GPAM: variants seen among roughly 807,000 people sequenced by gnomAD.
The protein encoded by GPAM is glycerol-3-phosphate acyltransferase, mitochondrial, also known as glycerol-3-phosphate acyltransferase 1, mitochondrial.
Under a neutral mutation model 105.0 loss-of-function variants are expected in GPAM, and 56 were observed. The ratio of observed to expected loss-of-function variants is 0.53; its 90% confidence interval spans 0.43 to 0.67. The LOEUF (loss-of-function observed/expected upper bound fraction) is 0.67. Ranked by LOEUF, GPAM falls within the 30% of genes least tolerant of loss-of-function variation. The pLI, the probability that GPAM is intolerant of heterozygous loss-of-function variation, is 0.00. For missense variants in GPAM, 855 were observed against 989.8 expected (o/e 0.86, Z 1.83); for synonymous variants, 368 against 354.4 (o/e 1.04, Z -0.43).
chr10:112,157,410 A>T (rs1277185560), intron 18 of GPAM, 21 bp from the exon 19 acceptor site: 1 of 1,611,870 alleles, frequency 6.2e-7, no homozygotes, highest in African/African-American at 1.3e-5. Context: ...GAGATGATGG[A>T]TAGTAAATAA....
chr10:112,181,461 T>A (rs941225603), intron 3 of GPAM, among the ~76,000 whole-genome samples: 36 of 152,228 alleles, frequency 2.4e-4, no homozygotes, highest in African/African-American at 6.5e-4. Context: ...GCAAAATGAT[T>A]ATTTTGTTTT....
intron 12 of GPAM, among the ~76,000 whole-genome samples, chr10:112,165,846 TCATC>T (rs995980757): frequency 3.3e-5 from 5 of 152,230 alleles, no homozygotes; most frequent in African/African-American, 9.6e-5. Flanking sequence ...ATTTATTCAT[TCATC>T]CATCTCAAAA....
At chr10:112,188,207 T>G (rs146752299), upstream of GPAM, among the ~76,000 whole-genome samples, 59 of 151,734 alleles carry the variant, frequency 3.9e-4, no homozygotes, top group East Asian at 0.011. Context: ...AGCAGAAAAA[T>G]TTTTAAGTAG....
chr10:112,160,968 T>C, intron 15 of GPAM, 100 bp from the exon 16 acceptor site: 1 of 940,216 alleles, frequency 1.1e-6, no homozygotes, highest in Admixed American at 1.8e-5. Flanking sequence ...TTGGCTTTCC[T>C]GCAGCTCACT....
At position 112,166,493 on chromosome 10, in the gene GPAM, C is replaced by T. The variant is rs868161007; in HGVS notation, c.1130G>A (p.Ser377Asn). 7.5e-6 allele frequency: 12 copies of T among 1,608,162 alleles called. No homozygotes were observed. Among genetic ancestry groups the T allele is most frequent in the Non-Finnish European group, 1.0e-5 (12 of 1,174,528 alleles). ...AACACCTCTTGCTACACTCCACAGG[C>T]TCTCATTCTTCTTAGGTTTGCCCTA... ...EQLGKPKKNE[S>N]LWSVARGVIR... Residue 377 changes from serine to asparagine, a missense_variant, in exon 12 of 22, where the codon AGC (serine) becomes AAC (asparagine). Physicochemically the swap from Ser to Asn is conservative, Grantham distance 46. Coordinates refer to ENST00000348367, the MANE Select transcript of GPAM (RefSeq NM_001244949.2).
At chr10:112,208,383 CG>C (rs1847874114) in intron 1 of GPAM, among the ~76,000 whole-genome samples, 1 of 152,124 alleles carries the variant, frequency 6.6e-6, no homozygotes, top group South Asian at 2.1e-4. Context: ...CTTTCTGAGA[CG>C]GATAGTTTCC....
At position 112,172,205 on chromosome 10, in the gene GPAM, A is replaced by T; in HGVS notation, c.771T>A (p.Asn257Lys). The change falls in exon 9 of 22, where the codon AAT becomes AAA. Residue 257 changes from asparagine to lysine, a missense_variant. By Grantham distance (94) the Asn-to-Lys change is moderately conservative. Transcript: ENST00000348367. ...NIKAPYIASG[N>K]NLNIPIFSTL... ...ACCTGAAGATTGGGATGTTGAGATT[A>T]TTGCCTGAAGCAATGTATGGTGCTT... is the stretch of plus-strand genomic sequence containing the variant. The T allele has an allele frequency of 6.2e-7, 1 of 1,609,834 alleles. No individual in the cohort carries two copies. Among genetic ancestry groups the T allele is most frequent in the Non-Finnish European group, 8.5e-7 (1 of 1,176,156 alleles).
At chr10:112,204,244 T>C (rs1847833620) in intron 1 of GPAM, among the ~76,000 whole-genome samples, 1 of 148,770 alleles carries the variant, frequency 6.7e-6, no homozygotes, top group Non-Finnish European at 1.5e-5. Context: ...TACAGAATTT[T>C]TTCTTTGTTC....
chr10:112,195,526 C>T (rs780471204), intron 1 of GPAM, among the ~76,000 whole-genome samples: 7 of 152,146 alleles, frequency 4.6e-5, no homozygotes, highest in Non-Finnish European at 7.3e-5. Flanking sequence ...CAAGTCTCAC[C>T]GCCTCATGAA....
chr10:112,201,905 T>C (rs1335938691), intron 1 of GPAM, among the ~76,000 whole-genome samples: 11 of 152,188 alleles, frequency 7.2e-5, no homozygotes, highest in Admixed American at 7.2e-4. Flanking sequence ...ATAGCTACCA[T>C]TTATTGAGCA....
In GPAM at chr10:112,160,790, A is replaced by G. The variant is rs778715667; in HGVS notation, c.1573T>C (p.Phe525Leu). Residue 525 changes from phenylalanine (F) to leucine (L), a missense_variant, in exon 16 of 22, where the codon TTC (phenylalanine) becomes CTC (leucine). Coordinates refer to ENST00000348367, the MANE Select transcript of GPAM (RefSeq NM_001244949.2). The stretch of plus-strand genomic sequence containing the variant: ...ACTACATCTTCTGAATTTCCTGAGA[A>G]CCCCAGGTCAAAATCACGAGCCAGG... ...EVLARDFDLG[F>L]SGNSEDVVMH... is the part of the protein sequence containing the mutation. 2 of 1,613,950 alleles carry G rather than the reference A, an allele frequency of 1.2e-6. No homozygotes were observed. Among genetic ancestry groups the G allele is most frequent in the Non-Finnish European group, 8.5e-7 (1 of 1,179,888 alleles).
chr10:112,181,747 ACAT>A lies in GPAM; in HGVS notation c.35_37del (p.Asp12del). 6.2e-7 allele frequency: 1 copy of A among 1,609,942 alleles called. No individual in the cohort carries two copies. Among genetic ancestry groups the A allele is most frequent in the Non-Finnish European group, 8.5e-7 (1 of 1,176,286 alleles). On this transcript the variant is annotated inframe_deletion, in exon 3 of 22. Coordinates refer to ENST00000348367, the MANE Select transcript of GPAM (RefSeq NM_001244949.2). ...TTCTGATGAATGTGGCAGATAAGAA[ACAT>A]CTATTGTACCAAGGGTCAGTGCAGA...
At chr10:112,190,661 G>A (rs949178529) in intron 1 of GPAM, among the ~76,000 whole-genome samples, 4 of 152,276 alleles carry the variant, frequency 2.6e-5, no homozygotes, top group East Asian at 1.9e-4. Flanking sequence ...AATAAGAGAT[G>A]TTAGAGGATG....
chr10:112,173,761 C>G lies in GPAM; in HGVS notation c.498G>C (p.Val166=), dbSNP rs756544554. 4 of 1,613,860 alleles carry G rather than the reference C, an allele frequency of 2.5e-6. No individual in the cohort carries two copies. ...AQQQSKAVNK[V]KKKAKRILQE... ...GAAGAATCCTTTTAGCTTTCTTTTTCACTTTGTTAACGGCTTTTGATTGCT... is the reference window on the plus strand; with the variant it reads ...GAAGAATCCTTTTAGCTTTCTTTTTGACTTTGTTAACGGCTTTTGATTGCT... The change falls in exon 7 of 22, where the codon GTG becomes GTC. Residue 166 remains valine (V), a synonymous_variant. Coordinates refer to ENST00000348367, the MANE Select transcript of GPAM (RefSeq NM_001244949.2).
chr10:112,190,418 T>A (rs1847642691), intron 1 of GPAM, among the ~76,000 whole-genome samples: 1 of 150,126 alleles, frequency 6.7e-6, no homozygotes, highest in Non-Finnish European at 1.5e-5. Context: ...GGCAAGAGAA[T>A]CACTTGAACC....
At chr10:112,227,116 T>C in the GPAM span, among the ~76,000 whole-genome samples, 1 of 152,178 alleles carries the variant, frequency 6.6e-6, no homozygotes, top group Non-Finnish European at 1.5e-5. Flanking sequence ...CTGTTTCCAT[T>C]TCAGTAAAGG....
In GPAM at chr10:112,158,339, A is replaced by G. The variant is rs775301888; in HGVS notation, c.1957T>C (p.Tyr653His). ...ACCTCTGCCACTGTAAGAATGCCAT[A>G]CTGGATAAACTTTCCTACTGTTTCA... ...CHETVGKFIQ[Y>H]GILTVAEHDD... Residue 653 changes from tyrosine (Y) to histidine (H), a missense_variant, in exon 18 of 22, where the codon TAT becomes CAT. Physicochemically the swap from Tyr to His is moderately conservative, Grantham distance 83. Coordinates refer to ENST00000348367, the MANE Select transcript of GPAM (RefSeq NM_001244949.2). 1.2e-5 allele frequency: 19 copies of G among 1,598,610 alleles called. No homozygotes were observed. The highest frequency in any genetic ancestry group is 1.5e-5 in the Non-Finnish European group (17 of 1,165,928).
chr10:112,151,358 G>A lies in GPAM; in HGVS notation c.*2192C>T. Reference sequence around the variant, plus strand: ...TTTTTGTTTTCAGTCATGAGGCACTGAAGAATGAGTTGTGCTGAAATTAAC... The same window carrying A: ...TTTTTGTTTTCAGTCATGAGGCACTAAAGAATGAGTTGTGCTGAAATTAAC... On this transcript the variant is annotated 3_prime_UTR_variant, in exon 22 of 22. Coordinates refer to ENST00000348367, the MANE Select transcript of GPAM (RefSeq NM_001244949.2). 2.0e-6 allele frequency: 2 copies of A among 985,786 alleles called. No homozygotes were observed. The highest frequency in any genetic ancestry group is 2.4e-6 in the Non-Finnish European group (2 of 829,904). The allele number at this position is 985,786 out of a possible 1,614,324, so 61.1% of individuals were successfully genotyped here.
chr10:112,166,830 T>G (rs553735183), intron 11 of GPAM, among the ~76,000 whole-genome samples: 2 of 152,170 alleles, frequency 1.3e-5, no homozygotes, highest in African/African-American at 4.8e-5. Flanking sequence ...AAAAATGACA[T>G]AGCCTGGAAA....
Sources: allele counts gnomAD v4.1 joint callset (sites outside exome capture counted in the v4.1 genomes callset), GRCh38; gene constraint gnomAD v4.1.1; transcripts MANE v1.5; gene names NCBI Gene and HGNC (gene_info 2026-07-23, HGNC 2026-07-21).